Variants in SYNE2 observed in about 807,000 individuals in gnomAD.
SYNE2 encodes the protein spectrin repeat containing nuclear envelope protein 2.
A neutral mutation model predicts 856.3 loss-of-function variants in SYNE2; 431 were observed. That is an observed-to-expected ratio of 0.50 (90% CI 0.47 to 0.55). The LOEUF (loss-of-function observed/expected upper bound fraction) is 0.55, where lower values mean the gene tolerates loss of function less well. Ranked by LOEUF, SYNE2 falls within the 20% of genes least tolerant of loss-of-function variation. The probability of loss-of-function intolerance (pLI) is 0.00; values close to 1 mark genes in which losing one functional copy is unlikely to be tolerated. For missense variants in SYNE2, 8,129 were observed against 8,023.2 expected (o/e 1.01, Z -0.50); for synonymous variants, 2,923 against 2,872.3 (o/e 1.02, Z -0.56).
intron 21 of SYNE2, among the ~76,000 whole-genome samples, chr14:63,992,948 ATCT>A (rs564499395): frequency 3.7e-4 from 57 of 152,284 alleles, no homozygotes; most frequent in African/African-American, 1.2e-3. Flanking sequence ...GGAGTTATTC[ATCT>A]TCTCTCTCCT....
chr14:63,856,708 G>T (rs1891831591), intron 1 of SYNE2, among the ~76,000 whole-genome samples: 1 of 152,060 alleles, frequency 6.6e-6, no homozygotes, highest in South Asian at 2.1e-4. Context: ...CAAAGGATCT[G>T]TGTCATAATG....
In SYNE2 at chr14:64,078,620, T is replaced by G; in HGVS notation, c.11163+14T>G. ...GAAATTCAAAAGGTAAAATCCTCCT[T>G]TAACTCCCTTCAGCATTTGGTACTT... On this transcript the variant is annotated intron_variant, in intron 55 of 115. Coordinates refer to ENST00000555002, the MANE Select transcript of SYNE2 (RefSeq NM_182914.3). 3 of 1,613,202 alleles carry G rather than the reference T, an allele frequency of 1.9e-6. No individual in the cohort carries two copies. The highest frequency in any genetic ancestry group is 2.7e-5 in the African/African-American group (2 of 75,042).
intron 35 of SYNE2, 128 bp from the exon 36 acceptor site, chr14:64,021,187 T>C (rs2096933288): frequency 3.9e-6 from 3 of 776,342 alleles, no homozygotes; most frequent in South Asian, 3.0e-5. Flanking sequence ...TAGAAAAACG[T>C]AGAGCAATGA....
At position 63,941,885 on chromosome 14, in the gene SYNE2, C is replaced by T. The variant is rs1595771772; in HGVS notation, c.238C>T (p.Pro80Ser). The T allele has an allele frequency of 6.2e-7, 1 of 1,613,184 alleles. No homozygotes were observed. Among genetic ancestry groups the T allele is most frequent in the African/African-American group, 1.3e-5 (1 of 74,988 alleles). The change falls in exon 5 of 116, where the codon CCT (proline) becomes TCT (serine). Residue 80 changes from proline (P) to serine (S), a missense_variant and splice_region_variant. Physicochemically the swap from Pro to Ser is moderately conservative, Grantham distance 74. Around this residue, in one of 3 missense-constraint regions of SYNE2, gnomAD observed 2,422 missense variants for 2,357.4 expected, o/e 1.03. Coordinates refer to ENST00000555002, the MANE Select transcript of SYNE2 (RefSeq NM_182914.3). ...LLEVLSGQQLPRDKGSNTFQC... is the reference protein window; with the variant it reads ...LLEVLSGQQLSRDKGSNTFQC... Reference sequence around the variant, plus strand: ...TAATATATTTGCTTGAATTTCACAGCCTCGGGATAAAGGATCTAATACCTT... The same window carrying T: ...TAATATATTTGCTTGAATTTCACAGTCTCGGGATAAAGGATCTAATACCTT...
In SYNE2 at chr14:63,983,811, A is replaced by G. The variant is rs1316483112; in HGVS notation, c.2076A>G (p.Lys692=). 1 of 1,610,804 alleles carries G rather than the reference A, an allele frequency of 6.2e-7. No individual in the cohort carries two copies. Among genetic ancestry groups the G allele is most frequent in the Non-Finnish European group, 8.5e-7 (1 of 1,177,458 alleles). ...ACAATTCTGGAAATATTCTATCTAAAGAAGAGAAAGCAACTGTTGAGTTTT... is the reference window on the plus strand; with the variant it reads ...ACAATTCTGGAAATATTCTATCTAAGGAAGAGAAAGCAACTGTTGAGTTTT... ...TFDNSGNILS[K]EEKATVEFST... is the part of the protein sequence containing the mutation. Residue 692 remains lysine, a synonymous_variant, in exon 18 of 116, where the codon AAA becomes AAG. Coordinates refer to ENST00000555002, the MANE Select transcript of SYNE2 (RefSeq NM_182914.3).
At position 64,209,417 on chromosome 14, in the gene SYNE2, G is replaced by A. The variant is rs778754988; in HGVS notation, c.18390-11G>A. Reference sequence around the variant, plus strand: ...GGGATGGCTTGTGTTAAGTTGCTTTGCTCCCATCAGAATCGAGGAGACGTG... The same window carrying A: ...GGGATGGCTTGTGTTAAGTTGCTTTACTCCCATCAGAATCGAGGAGACGTG... On this transcript the variant is annotated splice_polypyrimidine_tract_variant and intron_variant, in intron 101 of 115. Coordinates refer to ENST00000555002, the MANE Select transcript of SYNE2 (RefSeq NM_182914.3). The A allele has an allele frequency of 8.7e-6, 14 of 1,614,096 alleles. No individual in the cohort carries two copies. Among genetic ancestry groups the A allele is most frequent in the African/African-American group, 1.3e-5 (1 of 74,954 alleles).
Position 63,805,578 on chromosome 14 carries a change from G to T in SYNE2, c.-305+43592G>T, listed in dbSNP as rs529598395. ...AATTTTTTGTATTTTTGGTAGAGAC[G>T]GGGTTTCACTGTGGTCTCTATCTCC... On this transcript the variant is annotated intron_variant, in intron 1 of 23. Transcript: ENST00000674003. 3.3e-5 allele frequency among the ~76,000 whole-genome samples: 5 copies of T among 152,096 alleles called. No homozygotes were observed. In the East Asian group the frequency reaches 9.7e-4, roughly 29 times the overall value.
chr14:63,925,912 G>T (rs1370323395), intron 2 of SYNE2, among the ~76,000 whole-genome samples: 1 of 152,050 alleles, frequency 6.6e-6, no homozygotes, highest in Admixed American at 6.6e-5. Flanking sequence ...GGAGTGCAGT[G>T]ATGTGATCTC....
rs781780102 is a variant in SYNE2 at position 64,141,536 on chromosome 14, A to G, written c.15159+13A>G. 2 of 1,612,410 alleles carry G rather than the reference A, an allele frequency of 1.2e-6. No individual in the cohort carries two copies. Among genetic ancestry groups the G allele is most frequent in the East Asian group, 4.5e-5 (2 of 44,832 alleles). ...AAAACTTCACCAGGTAAGTCTTTAG[A>G]GCCTCAGCATTTGAATTAGCATTCA... is the stretch of plus-strand genomic sequence containing the variant. On this transcript the variant is annotated intron_variant, in intron 81 of 115. Transcript: ENST00000555002.
chr14:64,204,116 T>C (rs1476661939), intron 100 of SYNE2, among the ~76,000 whole-genome samples: 1 of 152,230 alleles, frequency 6.6e-6, no homozygotes, highest in Non-Finnish European at 1.5e-5. Flanking sequence ...TGCTACAAAT[T>C]AAAAATACTG....
intron 30 of SYNE2, among the ~76,000 whole-genome samples, chr14:64,005,294 G>C (rs566456229): frequency 6.6e-6 from 1 of 152,358 alleles, no homozygotes; most frequent in Admixed American, 6.5e-5. Flanking sequence ...GACATGGGAA[G>C]TCTGGTTTGA....
At chr14:63,769,931 A>G (rs1471459421) in intron 1 of SYNE2, among the ~76,000 whole-genome samples, 1 of 151,092 alleles carries the variant, frequency 6.6e-6, no homozygotes, top group Non-Finnish European at 1.5e-5. Flanking sequence ...ATATATATAT[A>G]TTTGAGATGG....
chr14:64,217,848 C>T (rs2098674004), intron 108 of SYNE2, among the ~76,000 whole-genome samples: 3 of 152,034 alleles, frequency 2.0e-5, no homozygotes, highest in South Asian at 4.1e-4. Context: ...TGGAGAGGCC[C>T]GAGATAACAG....
intron 1 of SYNE2, among the ~76,000 whole-genome samples, chr14:63,843,593 A>G (rs1890139620): frequency 6.6e-6 from 1 of 152,188 alleles, no homozygotes; most frequent in African/African-American, 2.4e-5. Context: ...GCCTCTAATG[A>G]CTAAGTGATT....
chr14:64,153,157 C>A (rs1231712616), intron 85 of SYNE2, among the ~76,000 whole-genome samples: 1 of 152,076 alleles, frequency 6.6e-6, no homozygotes, highest in Non-Finnish European at 1.5e-5. Context: ...CAGGAGGACT[C>A]TAAAGTTTGG....
intron 1 of SYNE2, among the ~76,000 whole-genome samples, chr14:63,788,595 C>T (rs1319994671): frequency 1.3e-5 from 2 of 152,156 alleles, no homozygotes; most frequent in Non-Finnish European, 2.9e-5. Flanking sequence ...TCTACAGGCA[C>T]GGTTTGGACG....
intron 1 of SYNE2, among the ~76,000 whole-genome samples, chr14:63,800,874 C>T (rs1218781562): frequency 2.0e-5 from 3 of 151,984 alleles, no homozygotes; most frequent in East Asian, 1.9e-4. Context: ...GCTTAATACC[C>T]GAGTGATGAA....
rs373442416 is a variant in SYNE2 at position 63,941,763 on chromosome 14, G to C, written c.210G>C (p.Leu70=). 71 of 1,613,906 alleles carry C rather than the reference G, an allele frequency of 4.4e-5. No homozygotes were observed. The highest frequency in any genetic ancestry group is 5.8e-5 in the Non-Finnish European group (68 of 1,179,982). The change falls in exon 4 of 116, where the codon CTG becomes CTC. Residue 70 remains leucine (L), a synonymous_variant. Transcript: ENST00000555002. ...AAAAGGGGCATGTCCTCCTGGATCT[G>C]CTAGAAGTACTTTCTGGGCAACAGT... is the stretch of plus-strand genomic sequence containing the variant. The part of the protein sequence containing the change: ...DIKKGHVLLD[L]LEVLSGQQLP...
In SYNE2 at chr14:64,107,478, C is replaced by G; in HGVS notation, c.12493-13C>G. The G allele has an allele frequency of 1.9e-6, 3 of 1,609,990 alleles. No individual in the cohort carries two copies. The highest frequency in any genetic ancestry group is 2.2e-5 in the East Asian group (1 of 44,848). ...CAGGACCCTTTCTGGAGCTCTGATTCTTTTCTTTACAGGAAGCATATGGGA... is the reference window on the plus strand; with the variant it reads ...CAGGACCCTTTCTGGAGCTCTGATTGTTTTCTTTACAGGAAGCATATGGGA... On this transcript the variant is annotated splice_polypyrimidine_tract_variant and intron_variant, in intron 64 of 115. Transcript: ENST00000555002.
Sources: gnomAD v4.1 joint callset for allele counts (sites outside exome capture counted in the v4.1 genomes callset) on GRCh38, gnomAD v4.1.1 for gene constraint, gnomAD v4.1.1 regional missense constraint, MANE v1.5 for transcripts, NCBI Gene and HGNC (gene_info 2026-07-23, HGNC 2026-07-21) for gene names.